The following RUFY4 variants were observed in gnomAD, a reference collection of about 807,000 sequenced individuals.
RUFY4 encodes RUN and FYVE domain containing 4.
Under a neutral mutation model 69.0 loss-of-function variants are expected in RUFY4, and 73 were observed. The ratio of observed to expected loss-of-function variants is 1.06; its 90% confidence interval spans 0.88 to 1.29. The LOEUF (loss-of-function observed/expected upper bound fraction) is 1.29, where lower values mean the gene tolerates loss of function less well. Ranked by LOEUF, RUFY4 falls within the 50% of genes most tolerant of loss-of-function variation. RUFY4 has a pLI of 0.00. For synonymous variants in RUFY4, 287 were observed against 271.8 expected (o/e 1.06, Z -0.55); for missense variants, 770 against 705.6 (o/e 1.09, Z -1.03).
intron 3 of RUFY4, among the ~76,000 whole-genome samples, chr2:218,063,917 G>A (rs1196842077): frequency 6.6e-6 from 1 of 152,096 alleles, no homozygotes; most frequent in Non-Finnish European, 1.5e-5. Flanking sequence ...CCAAACAAAA[G>A]TCCTTTCTGA....
intron 2 of RUFY4, among the ~76,000 whole-genome samples, chr2:218,044,785 G>A (rs1688789948): frequency 1.3e-5 from 2 of 152,188 alleles, no homozygotes; most frequent in African/African-American, 4.8e-5. Flanking sequence ...TCTTTTTTAT[G>A]GCTGCATAGT....
intron 5 of RUFY4, 136 bp from the exon 8 acceptor site, chr2:218,073,680 C>A: frequency 4.4e-6 from 4 of 912,164 alleles, no homozygotes; most frequent in Non-Finnish European, 6.7e-6. Context: ...GGATGGGATG[C>A]ATGAGGGTGG....
At chr2:218,044,428 AT>A (rs540835434) in intron 2 of RUFY4, among the ~76,000 whole-genome samples, 7 of 152,042 alleles carry the variant, frequency 4.6e-5, no homozygotes, top group East Asian at 1.9e-4. Context: ...CTCAGATCAC[AT>A]TTTTTTTATG....
chr2:218,061,015 G>A (rs758264520), intron 3 of RUFY4: 32 of 735,926 alleles, frequency 4.3e-5, no homozygotes, highest in Non-Finnish European at 7.9e-5. Flanking sequence ...CAGGCCAGTA[G>A]TAGAATACCA....
intron 10 of RUFY4, chr2:218,089,647 A>G (rs1689982561): frequency 1.4e-6 from 1 of 701,934 alleles, no homozygotes. Flanking sequence ...GAGCATCTGT[A>G]CAGCGTAAGC....
intron 2 of RUFY4, among the ~76,000 whole-genome samples, chr2:218,071,405 A>G (rs1689485049): frequency 6.6e-6 from 1 of 152,070 alleles, no homozygotes; most frequent in Non-Finnish European, 1.5e-5. Flanking sequence ...CACACCAGTC[A>G]TGCTCCTGCC....
intron 9 of RUFY4, 93 bp downstream of exon 11, chr2:218,083,349 T>C: frequency 6.8e-7 from 1 of 1,472,512 alleles, no homozygotes; most frequent in Non-Finnish European, 9.1e-7. Context: ...CACTCACAAC[T>C]CCCAAGCAGG....
In RUFY4 at chr2:218,075,880, A is replaced by G. The variant is rs950923191; in HGVS notation, c.1248+140A>G. 14 of 891,102 alleles carry G rather than the reference A, an allele frequency of 1.6e-5. No individual in the cohort carries two copies. The African/African-American group carries it at 2.1e-4, about 13-fold the overall frequency. 55.2% of individuals were successfully genotyped at this position (891,102 alleles called of 1,614,324 possible). On this transcript the variant is annotated intron_variant, in intron 7 of 10. Coordinates refer to ENST00000344321, the Ensembl canonical transcript of RUFY4. ...GCCCACTCAGGATTATTATTTGGGG[A>G]TGCCTTTGAAAGCCATACATTCTTC...
chr2:218,037,535 T>C (rs769786831), intron 2 of RUFY4, among the ~76,000 whole-genome samples: 11 of 152,224 alleles, frequency 7.2e-5, no homozygotes, highest in Admixed American at 2.0e-4. Flanking sequence ...AACATAGCAA[T>C]TGACCACAGA....
At chr2:218,064,340 T>A (rs1187965691), upstream of RUFY4, among the ~76,000 whole-genome samples, 3 of 151,370 alleles carry the variant, frequency 2.0e-5, no homozygotes, top group Non-Finnish European at 4.4e-5. Flanking sequence ...GCCAAGACCC[T>A]CCCCAGCCTG....
At chr2:218,040,864 G>A (rs538460384) in intron 2 of RUFY4, among the ~76,000 whole-genome samples, 1 of 152,168 alleles carries the variant, frequency 6.6e-6, no homozygotes, top group South Asian at 2.1e-4. Flanking sequence ...GAAATCTATA[G>A]GGGTACGAGA....
chr2:218,048,033 G>A (rs1379946375), intron 2 of RUFY4, among the ~76,000 whole-genome samples: 3 of 152,144 alleles, frequency 2.0e-5, no homozygotes, highest in Non-Finnish European at 4.4e-5. Context: ...TCAAGGGATT[G>A]CCACACTGTC....
At chr2:218,072,495 A>G in exon 3 of RUFY4, 1 of 1,536,938 alleles carries the variant, frequency 6.5e-7, no homozygotes, top group Middle Eastern at 1.8e-4. Context: ...CGTTCCCAGG[A>G]CAAGGTATCC....
intron 9 of RUFY4, 113 bp downstream of exon 11, chr2:218,083,369 C>G (rs982037594): frequency 2.2e-6 from 3 of 1,352,694 alleles, no homozygotes; most frequent in South Asian, 3.0e-5. Context: ...GGTTCTAGAC[C>G]TTTTATATAA....
exon 11 of RUFY4, chr2:218,090,018 A>G: frequency 6.4e-7 from 1 of 1,561,818 alleles, no homozygotes; most frequent in Non-Finnish European, 8.7e-7. Context: ...GCTGCTGCCC[A>G]CCCTGCGCCC....
intron 2 of RUFY4, among the ~76,000 whole-genome samples, chr2:218,037,545 A>G (rs1374891860): frequency 6.6e-6 from 1 of 152,204 alleles, no homozygotes; most frequent in Non-Finnish European, 1.5e-5. Flanking sequence ...TTGACCACAG[A>G]GGTTTTCTTT....
At position 218,075,895 on chromosome 2, in the gene RUFY4, A is replaced by G. The variant is rs145688804; in HGVS notation, c.1248+155A>G. Among the ~76,000 whole-genome samples the G allele has an allele frequency of 1.4e-3, 208 of 152,158 alleles. 1 individual carries two copies. Among genetic ancestry groups the G allele is most frequent in the African/African-American group, 4.8e-3 (199 of 41,512 alleles). ...TTATTTGGGGATGCCTTTGAAAGCC[A>G]TACATTCTTCAGGTCCCCACAGTCC... On this transcript the variant is annotated intron_variant, in intron 7 of 10. Transcript: ENST00000344321.
Position 218,072,502 on chromosome 2 carries a change from A to G in RUFY4, c.279+3A>G, listed in dbSNP as rs1429612352. ...ACTTTGTCCGTTCCCAGGACAAGGT[A>G]TCCAGGGCCAGGCAGCAAGAAGGCT... On this transcript the variant is annotated splice_donor_region_variant and intron_variant, in intron 3 of 10. Coordinates refer to ENST00000344321, the Ensembl canonical transcript of RUFY4. The G allele has an allele frequency of 5.9e-6, 9 of 1,536,700 alleles. No individual in the cohort carries two copies. The African/African-American group carries it at 9.6e-5, about 16-fold the overall frequency.
chr2:218,037,683 T>C (rs550591458), intron 2 of RUFY4, among the ~76,000 whole-genome samples: 2 of 152,370 alleles, frequency 1.3e-5, no homozygotes, highest in South Asian at 4.1e-4. Flanking sequence ...ATTCCTTCTC[T>C]GGACATTTTC....
Sources: gnomAD v4.1 joint callset for allele counts (sites outside exome capture counted in the v4.1 genomes callset) on GRCh38, gnomAD v4.1.1 for gene constraint, MANE v1.5 for transcripts, NCBI Gene and HGNC (gene_info 2026-07-23, HGNC 2026-07-21) for gene names.